The following CELF1 variants were observed in gnomAD, a reference collection of about 807,000 sequenced individuals.
CELF1 encodes CUGBP Elav-like family member 1.
Under a neutral mutation model 61.8 loss-of-function variants are expected in CELF1, and 10 were observed. That is an observed-to-expected ratio of 0.16 (90% confidence interval 0.10 to 0.27). The LOEUF (loss-of-function observed/expected upper bound fraction) is 0.27, where lower values mean the gene tolerates loss of function less well. Among genes scored for constraint, CELF1 ranks in the 10% least tolerant of loss-of-function variants. The probability of loss-of-function intolerance (pLI) is 1.00; values close to 1 mark genes in which losing one functional copy is unlikely to be tolerated. For synonymous variants in CELF1, 236 were observed against 225.1 expected (o/e 1.05, Z -0.43); for missense variants, 380 against 639.1 (o/e 0.59, Z 4.37).
At chr11:47,527,108 G>A (rs2096272518) in intron 1 of CELF1, among the ~76,000 whole-genome samples, 1 of 150,280 alleles carries the variant, frequency 6.7e-6, no homozygotes, top group Non-Finnish European at 1.5e-5. Context: ...CCATTACTGA[G>A]TACACAGCAG....
At chr11:47,544,269 C>G (rs1008253576) in intron 1 of CELF1, among the ~76,000 whole-genome samples, 5 of 152,210 alleles carry the variant, frequency 3.3e-5, no homozygotes, top group African/African-American at 1.2e-4. Flanking sequence ...AAATGCATTA[C>G]TGACCCAAGA....
intron 13 of CELF1, among the ~76,000 whole-genome samples, chr11:47,474,594 A>G (rs1012323379): frequency 6.6e-6 from 1 of 152,200 alleles, no homozygotes; most frequent in Non-Finnish European, 1.5e-5. Context: ...CTACTACCAC[A>G]TCCCTAGGGG....
At chr11:47,562,494 A>C (rs2153791720) in intron 2 of CELF1, among the ~76,000 whole-genome samples, 1 of 131,918 alleles carries the variant, frequency 7.6e-6, no homozygotes, top group South Asian at 2.6e-4. Context: ...ACACCATTGC[A>C]CTCCAGCCTG....
At chr11:47,521,579 A>C (rs1314298994) in intron 1 of CELF1, among the ~76,000 whole-genome samples, 1 of 152,238 alleles carries the variant, frequency 6.6e-6, no homozygotes, top group Non-Finnish European at 1.5e-5. Flanking sequence ...ATGGTTACAC[A>C]AACAGTATCT....
At chr11:47,499,114 C>T (rs2093577645) in intron 3 of CELF1, among the ~76,000 whole-genome samples, 1 of 152,004 alleles carries the variant, frequency 6.6e-6, no homozygotes, top group African/African-American at 2.4e-5. Context: ...GCATGTCCAA[C>T]CCAAAGCGAC....
chr11:47,478,489 C>A (rs1383505905), intron 10 of CELF1, among the ~76,000 whole-genome samples: 2 of 152,232 alleles, frequency 1.3e-5, no homozygotes, highest in Non-Finnish European at 2.9e-5. Context: ...CAAGGTAGGG[C>A]ATTTGCATGG....
Position 47,471,930 on chromosome 11 carries a change from C to G in CELF1, c.*300G>C, listed in dbSNP as rs768122915. The G allele has an allele frequency of 8.9e-5, 24 of 270,472 alleles. No individual in the cohort carries two copies. The highest frequency in any genetic ancestry group is 1.5e-4 in the Non-Finnish European group (21 of 137,514). 16.8% of individuals were successfully genotyped at this position (270,472 alleles called of 1,614,324 possible). On this transcript the variant is annotated 3_prime_UTR_variant, in exon 15 of 15. Coordinates refer to ENST00000687097, the MANE Select transcript of CELF1 (RefSeq NM_001376376.1). ...GGTCCTTCTCAACACACACTGGTTACAAACACAGCAAACTTTAAATAAAGG... is the reference window on the plus strand; with the variant it reads ...GGTCCTTCTCAACACACACTGGTTAGAAACACAGCAAACTTTAAATAAAGG...
chr11:47,511,843 A>G (rs1023882174), intron 1 of CELF1, among the ~76,000 whole-genome samples: 5 of 151,890 alleles, frequency 3.3e-5, no homozygotes, highest in Non-Finnish European at 5.9e-5. Context: ...TAAGGGCCAT[A>G]AAGTTGAGTC....
At chr11:47,492,949 C>G (rs986293312) in intron 3 of CELF1, among the ~76,000 whole-genome samples, 1 of 152,260 alleles carries the variant, frequency 6.6e-6, no homozygotes, top group Non-Finnish European at 1.5e-5. Flanking sequence ...TTTTATCAAT[C>G]TGTATTACGG....
rs529116338 is a variant in CELF1 at position 47,497,004 on chromosome 11, T to C, written c.71+2449A>G. ...CTCTTGCATAAACTAGTACCTAAGA[T>C]TAGCACCCAGTCTCAGCCAATACTG... On this transcript the variant is annotated intron_variant, in intron 3 of 14. Coordinates refer to ENST00000687097, the MANE Select transcript of CELF1 (RefSeq NM_001376376.1). 7.2e-5 allele frequency among the ~76,000 whole-genome samples: 11 copies of C among 152,234 alleles called. No individual in the cohort carries two copies. The East Asian group carries it at 2.1e-3, about 29-fold the overall frequency.
intron 5 of CELF1, 46 bp downstream of exon 5, chr11:47,487,113 A>G: frequency 1.4e-6 from 2 of 1,419,054 alleles, no homozygotes; most frequent in Non-Finnish European, 9.9e-7. Flanking sequence ...TATATCCCAC[A>G]TATCAAAGTT....
chr11:47,558,518 T>C (rs1359111925), intron 2 of CELF1, among the ~76,000 whole-genome samples: 2 of 118,362 alleles, frequency 1.7e-5, no homozygotes, highest in Non-Finnish European at 3.2e-5. Context: ...ATAAATAATA[T>C]ATGTATATGT....
At chr11:47,487,327 T>G in intron 4 of CELF1, 86 bp from the exon 5 acceptor site, 1 of 978,406 alleles carries the variant, frequency 1.0e-6, no homozygotes, top group Non-Finnish European at 1.6e-6. Flanking sequence ...AGATCAGATC[T>G]TAAAAGAGGG....
At chr11:47,483,134 T>G (rs2084401665) in intron 8 of CELF1, among the ~76,000 whole-genome samples, 2 of 151,856 alleles carry the variant, frequency 1.3e-5, no homozygotes, top group African/African-American at 4.8e-5. Context: ...CGTGCTGGTG[T>G]GCACCTGTAG....
At chr11:47,483,365 A>C in intron 8 of CELF1, 88 bp downstream of exon 8, 1 of 975,128 alleles carries the variant, frequency 1.0e-6, no homozygotes, top group Admixed American at 1.8e-5. Flanking sequence ...GGGCAATCAG[A>C]TGCTGCACAT....
At chr11:47,533,682 C>T (rs1350952417) in intron 1 of CELF1, among the ~76,000 whole-genome samples, 1 of 149,984 alleles carries the variant, frequency 6.7e-6, no homozygotes, top group African/African-American at 2.4e-5. Flanking sequence ...TGGTGGCGGG[C>T]ACTTGCAATC....
chr11:47,563,732 C>G (rs1264097741), intron 2 of CELF1, among the ~76,000 whole-genome samples: 1 of 152,102 alleles, frequency 6.6e-6, no homozygotes, highest in Non-Finnish European at 1.5e-5. Context: ...TTTAAAACCA[C>G]CAGATGGGCC....
chr11:47,547,143 T>A (rs1027176746), intron 1 of CELF1, among the ~76,000 whole-genome samples: 34 of 146,020 alleles, frequency 2.3e-4, no homozygotes, highest in Middle Eastern at 7.5e-3. Flanking sequence ...CTGACTAGAT[T>A]AGAAATTTAA....
intron 7 of CELF1, 41 bp from the exon 8 acceptor site, chr11:47,483,573 T>C (rs1264801445): frequency 6.7e-7 from 1 of 1,484,064 alleles, no homozygotes; most frequent in Non-Finnish European, 9.4e-7. Flanking sequence ...TTCATTTATT[T>C]CTCTGACAAA....
Sources: allele counts gnomAD v4.1 joint callset (sites outside exome capture counted in the v4.1 genomes callset), GRCh38; gene constraint gnomAD v4.1.1; transcripts MANE v1.5; gene names NCBI Gene and HGNC (gene_info 2026-07-23, HGNC 2026-07-21).